BCL2L13: variants seen among roughly 807,000 people sequenced by gnomAD.
BCL2L13 encodes the protein bcl-2-like protein 13.
A neutral mutation model predicts 25.8 loss-of-function variants in BCL2L13; 13 were observed. The ratio of observed to expected loss-of-function variants is 0.50; its 90% CI spans 0.33 to 0.80. The LOEUF is 0.80. Among genes scored for constraint, BCL2L13 ranks in the 30% least tolerant of loss-of-function variants. BCL2L13 has a pLI of 0.02. For missense variants in BCL2L13, 504 were observed against 574.9 expected (o/e 0.88, Z 1.26); for synonymous variants, 244 against 230.3 (o/e 1.06, Z -0.54).
intron 2 of BCL2L13, among the ~76,000 whole-genome samples, chr22:17,664,965 G>GC (rs1434335878): frequency 6.6e-6 from 1 of 152,190 alleles, no homozygotes; most frequent in African/African-American, 2.4e-5. Flanking sequence ...TTTCTGACAT[G>GC]CTTTGGAGAC....
At chr22:17,721,492 G>GTT (rs36189821) in intron 6 of BCL2L13, among the ~76,000 whole-genome samples, 10 of 137,848 alleles carry the variant, frequency 7.3e-5, no homozygotes, top group East Asian at 2.2e-4. Flanking sequence ...AATGGAAATA[G>GTT]TTTTTTTTTT....
In BCL2L13 at chr22:17,727,938, G is replaced by T. The variant is rs2587100; in HGVS notation, c.*404G>T. On this transcript the variant is annotated 3_prime_UTR_variant, in exon 7 of 7. Transcript: ENST00000317582. Reference sequence around the variant, plus strand: ...GTCTCTAGACATTGCCAAATGTCCCGTGTGAACATCCCCTATTGAGACCCA... The same window carrying T: ...GTCTCTAGACATTGCCAAATGTCCCTTGTGAACATCCCCTATTGAGACCCA... 3 of 209,320 alleles carry T rather than the reference G, an allele frequency of 1.4e-5. No individual in the cohort carries two copies. The highest frequency in any genetic ancestry group is 3.0e-5 in the Non-Finnish European group (3 of 101,568). The allele number at this position is 209,320 out of a possible 1,614,324, so 13.0% of individuals were successfully genotyped here.
intron 1 of BCL2L13, among the ~76,000 whole-genome samples, chr22:17,632,026 CAT>C (rs1183431943): frequency 6.6e-6 from 1 of 151,962 alleles, no homozygotes; most frequent in African/African-American, 2.4e-5. Flanking sequence ...GGCCGGTACA[CAT>C]ATTTTGAAGG....
intron 6 of BCL2L13, among the ~76,000 whole-genome samples, chr22:17,715,142 A>T (rs1276171856): frequency 1.5e-3 from 5 of 3,326 alleles, no homozygotes; most frequent in East Asian, 0.011. Flanking sequence ...ATATATATAT[A>T]TATATATATA....
chr22:17,691,412 C>G (rs974028086), intron 4 of BCL2L13, among the ~76,000 whole-genome samples: 2 of 152,094 alleles, frequency 1.3e-5, no homozygotes, highest in Admixed American at 1.3e-4. Flanking sequence ...TTGGGGAGGC[C>G]GAGGCGGGCG....
chr22:17,635,097 C>T (rs865862239), upstream of BCL2L13, among the ~76,000 whole-genome samples: 23 of 152,022 alleles, frequency 1.5e-4, no homozygotes, highest in African/African-American at 4.8e-4. Flanking sequence ...CAAAACTCCC[C>T]CGAAAACTGA....
chr22:17,660,255 T>C lies in BCL2L13; in HGVS notation c.121+4423T>C, dbSNP rs903480841. 2.0e-5 allele frequency among the ~76,000 whole-genome samples: 3 copies of C among 146,640 alleles called. 1 individual carries two copies. The highest frequency in any genetic ancestry group is 1.6e-5 in the Non-Finnish European group (1 of 64,494). ...ACAGTGGTTTATTTCCGGATTTTTT[T>C]CCCCAAAGAAATGTGCAGTTATGCA... On this transcript the variant is annotated intron_variant, in intron 2 of 6. Transcript: ENST00000317582.
chr22:17,719,433 T>C (rs1489831369), intron 6 of BCL2L13, among the ~76,000 whole-genome samples: 2 of 152,106 alleles, frequency 1.3e-5, no homozygotes, highest in Non-Finnish European at 2.9e-5. Context: ...GTATTCAAAA[T>C]AATAAAAACA....
At chr22:17,683,405 G>A (rs892178379) in intron 3 of BCL2L13, 84 bp downstream of exon 3, 2 of 775,288 alleles carry the variant, frequency 2.6e-6, no homozygotes, top group South Asian at 3.5e-5. Flanking sequence ...TTTTACAGTG[G>A]GGTATTCTCA....
At chr22:17,679,558 CTG>C (rs1335748284) in intron 2 of BCL2L13, among the ~76,000 whole-genome samples, 1 of 151,970 alleles carries the variant, frequency 6.6e-6, no homozygotes, top group African/African-American at 2.4e-5. Flanking sequence ...GCGTGAGCCA[CTG>C]TGCCTGGCTG....
intron 6 of BCL2L13, among the ~76,000 whole-genome samples, chr22:17,706,418 A>G (rs758289447): frequency 6.6e-6 from 1 of 150,944 alleles, no homozygotes; most frequent in Non-Finnish European, 1.5e-5. Context: ...TTCTTGCCCC[A>G]GCTCTGCCAA....
intron 6 of BCL2L13, among the ~76,000 whole-genome samples, chr22:17,721,343 T>C (rs1226476793): frequency 6.6e-6 from 1 of 152,138 alleles, no homozygotes; most frequent in Non-Finnish European, 1.5e-5. Flanking sequence ...CCTGTTCATA[T>C]TTACATTCTT....
chr22:17,631,654 A>ATG (rs2058016812), intron 1 of BCL2L13, among the ~76,000 whole-genome samples: 4 of 33,282 alleles, frequency 1.2e-4, no homozygotes, highest in Non-Finnish European at 2.1e-4. Flanking sequence ...ACGTGTGTGT[A>ATG]TGTATGTGTG....
chr22:17,688,789 CG>C (rs1377119108), intron 3 of BCL2L13, among the ~76,000 whole-genome samples, 196 bp from the exon 4 acceptor site: 1 of 135,596 alleles, frequency 7.4e-6, no homozygotes, highest in Non-Finnish European at 1.6e-5. Flanking sequence ...TTTTTTGAGA[CG>C]GAGTTTCCCT....
intron 6 of BCL2L13, among the ~76,000 whole-genome samples, chr22:17,704,470 C>G (rs1157956067): frequency 6.6e-6 from 1 of 151,952 alleles, no homozygotes; most frequent in African/African-American, 2.4e-5. Context: ...TCTCCATTTG[C>G]TTGTGTTTAA....
chr22:17,707,265 G>A (rs1361290347), intron 6 of BCL2L13, among the ~76,000 whole-genome samples: 4 of 152,174 alleles, frequency 2.6e-5, no homozygotes, highest in African/African-American at 9.7e-5. Flanking sequence ...TCCTCATCAA[G>A]TTGGGTGGAA....
chr22:17,666,419 T>G (rs1303137038), intron 2 of BCL2L13, among the ~76,000 whole-genome samples: 2 of 152,144 alleles, frequency 1.3e-5, no homozygotes, highest in Admixed American at 1.3e-4. Context: ...TGTTGAATAG[T>G]AGGTCTTAGT....
At chr22:17,687,898 A>G (rs1161505883) in intron 3 of BCL2L13, among the ~76,000 whole-genome samples, 1 of 146,050 alleles carries the variant, frequency 6.8e-6, no homozygotes, top group African/African-American at 2.5e-5. Context: ...GCTCGCTGCA[A>G]CCTCTATCTC....
At chr22:17,695,141 A>T (rs1313231435) in intron 4 of BCL2L13, among the ~76,000 whole-genome samples, 1 of 152,152 alleles carries the variant, frequency 6.6e-6, no homozygotes, top group African/African-American at 2.4e-5. Flanking sequence ...CTGGATAATT[A>T]CAGAAAGTCT....
Sources: allele counts gnomAD v4.1 joint callset (sites outside exome capture counted in the v4.1 genomes callset), GRCh38; gene constraint gnomAD v4.1.1; transcripts MANE v1.5; gene names NCBI Gene and HGNC (gene_info 2026-07-23, HGNC 2026-07-21).